The following COG5 variants were observed in gnomAD, a reference collection of about 807,000 sequenced individuals.
The protein encoded by COG5 is component of oligomeric golgi complex 5.
Under a neutral mutation model 110.4 loss-of-function variants are expected in COG5, and 86 were observed. The observed-to-expected ratio is 0.78, with a 90% CI of 0.65 to 0.93. The LOEUF is 0.93. Ranked by LOEUF, COG5 falls within the 40% of genes least tolerant of loss-of-function variation. The pLI, the probability that COG5 is intolerant of heterozygous loss-of-function variation, is 0.00. For synonymous variants in COG5, 360 were observed against 334.6 expected (o/e 1.08, Z -0.83); for missense variants, 1,077 against 987.0 (o/e 1.09, Z -1.22).
At chr7:107,433,064 A>G (rs1794135400) in intron 6 of COG5, among the ~76,000 whole-genome samples, 1 of 152,230 alleles carries the variant, frequency 6.6e-6, no homozygotes, top group South Asian at 2.1e-4. Flanking sequence ...GGAAATTAAG[A>G]AAATAATCCC....
chr7:107,204,645 A>G (rs1466394916), intron 21 of COG5, among the ~76,000 whole-genome samples: 1 of 152,162 alleles, frequency 6.6e-6, no homozygotes, highest in Non-Finnish European at 1.5e-5. Flanking sequence ...ATACTAATCT[A>G]ATTGGGTTTG....
At chr7:107,387,376 G>C (rs894579757) in intron 7 of COG5, among the ~76,000 whole-genome samples, 12 of 152,282 alleles carry the variant, frequency 7.9e-5, no homozygotes, top group African/African-American at 2.9e-4. Context: ...AAGCAGCAGC[G>C]CCTAAGCAAG....
rs1562913161 is a variant in COG5, at chr7:107,211,196, A to C, written c.2198T>G (p.Val733Gly). The C allele has an allele frequency of 3.1e-6, 5 of 1,614,106 alleles. No homozygotes were observed. The highest frequency in any genetic ancestry group is 1.7e-4 in the Middle Eastern group (1 of 6,060). ...ATCCCCCAATGCAGGACTACTGGCT[A>C]CATGTTCACTTGCCTGGAAGAGCAG... ...RPLLFQASEH[V>G]ASSPALGDVI... Residue 733 changes from valine to glycine, a missense_variant, in exon 20 of 22, where the codon GTA (valine) becomes GGA (glycine). Transcript: ENST00000297135.
intron 14 of COG5, among the ~76,000 whole-genome samples, chr7:107,273,032 AC>A (rs1305529986): frequency 6.6e-6 from 1 of 152,168 alleles, no homozygotes; most frequent in Non-Finnish European, 1.5e-5. Flanking sequence ...TGTGCCTAAT[AC>A]GTGTGTTCGG....
chr7:107,261,967 T>G (rs1037087416), intron 14 of COG5, among the ~76,000 whole-genome samples: 10 of 152,032 alleles, frequency 6.6e-5, no homozygotes, highest in African/African-American at 2.4e-4. Flanking sequence ...CTTGGCTCAC[T>G]GCAACCTTCA....
intron 12 of COG5, among the ~76,000 whole-genome samples, chr7:107,288,913 T>TAG (rs1805898952): frequency 3.4e-4 from 2 of 5,816 alleles, no homozygotes; most frequent in Admixed American, 1.2e-3. Context: ...CAGAGATATA[T>TAG]ATATATATAT....
chr7:107,412,707 C>T (rs1792397582), intron 6 of COG5, 75 bp from the exon 7 acceptor site: 5 of 843,972 alleles, frequency 5.9e-6, no homozygotes, highest in South Asian at 3.5e-5. Flanking sequence ...ATATGTATAA[C>T]TTCTCAAAAA....
intron 6 of COG5, among the ~76,000 whole-genome samples, chr7:107,425,985 C>T (rs924338688): frequency 2.6e-5 from 4 of 152,080 alleles, no homozygotes; most frequent in African/African-American, 4.8e-5. Context: ...AGGGCAGAGA[C>T]GGGGGTAAAG....
In COG5 at chr7:107,527,335, C is replaced by G; in HGVS notation, c.440G>C (p.Arg147Thr). 1.2e-6 allele frequency: 2 copies of G among 1,613,454 alleles called. No homozygotes were observed. The highest frequency in any genetic ancestry group is 1.7e-6 in the Non-Finnish European group (2 of 1,179,828). ...ACTGAGATTCAAGATACGAATAATC[C>G]TCCGAAGCAAATCACAGGCAACCTG... ...RLQVACDLLRRIIRILNLSKR... is the reference protein window; with the variant it reads ...RLQVACDLLRTIIRILNLSKR... The change falls in exon 6 of 22, where the codon AGG becomes ACG. Residue 147 changes from arginine to threonine, a missense_variant. Physicochemically the swap from Arg to Thr is moderately conservative, Grantham distance 71. Transcript: ENST00000297135.
intron 6 of COG5, among the ~76,000 whole-genome samples, chr7:107,522,383 G>A (rs571193938): frequency 2.0e-5 from 3 of 152,224 alleles, no homozygotes; most frequent in South Asian, 2.1e-4. Flanking sequence ...CAAGAGAGTC[G>A]CTTGAACCCA....
intron 7 of COG5, among the ~76,000 whole-genome samples, chr7:107,386,717 G>A (rs759732770): frequency 1.1e-4 from 16 of 152,124 alleles, no homozygotes; most frequent in Non-Finnish European, 1.6e-4. Flanking sequence ...GTAACCCAAA[G>A]CCCAAGGTTC....
intron 19 of COG5, among the ~76,000 whole-genome samples, chr7:107,230,074 C>T (rs1177454832): frequency 6.6e-6 from 1 of 152,020 alleles, no homozygotes; most frequent in Non-Finnish European, 1.5e-5. Context: ...TGGTCTTGAT[C>T]TCCTGACCTC....
intron 7 of COG5, among the ~76,000 whole-genome samples, chr7:107,391,424 C>T (rs757965294): frequency 6.6e-6 from 1 of 152,152 alleles, no homozygotes; most frequent in African/African-American, 2.4e-5. Flanking sequence ...TCAGCCTGTT[C>T]TATTGGTTGC....
intron 19 of COG5, 113 bp from the exon 20 acceptor site, chr7:107,211,338 G>T: frequency 1.6e-6 from 2 of 1,226,022 alleles, no homozygotes; most frequent in Non-Finnish European, 2.4e-6. Context: ...GCTACTGAAG[G>T]AGCCCTCCAC....
At chr7:107,224,079 C>A (rs574532420) in intron 19 of COG5, among the ~76,000 whole-genome samples, 34 of 152,306 alleles carry the variant, frequency 2.2e-4, no homozygotes, top group African/African-American at 7.9e-4. Context: ...CTGGCTGTAA[C>A]ACTGAAATCT....
chr7:107,494,406 A>G (rs796249741), intron 6 of COG5, among the ~76,000 whole-genome samples: 14 of 152,336 alleles, frequency 9.2e-5, no homozygotes, highest in African/African-American at 3.1e-4. Flanking sequence ...CAGTGGTCCC[A>G]TAAGATTATA....
intron 10 of COG5, among the ~76,000 whole-genome samples, chr7:107,340,754 C>T (rs889146136): frequency 3.3e-5 from 5 of 152,108 alleles, no homozygotes; most frequent in African/African-American, 1.2e-4. Flanking sequence ...TGTGATTAAA[C>T]ATATAAACAG....
intron 14 of COG5, among the ~76,000 whole-genome samples, chr7:107,271,715 T>C (rs541200745): frequency 6.6e-6 from 1 of 152,246 alleles, no homozygotes; most frequent in Non-Finnish European, 1.5e-5. Context: ...TGTTCATTGG[T>C]TTTTTGTGTT....
chr7:107,460,960 T>C (rs1460992528), intron 6 of COG5, among the ~76,000 whole-genome samples: 2 of 152,094 alleles, frequency 1.3e-5, no homozygotes, highest in African/African-American at 4.8e-5. Context: ...AATTTAAAAC[T>C]TTGAACAACA....
Sources: allele counts gnomAD v4.1 joint callset (sites outside exome capture counted in the v4.1 genomes callset), GRCh38; gene constraint gnomAD v4.1.1; transcripts MANE v1.5; gene names NCBI Gene and HGNC (gene_info 2026-07-23, HGNC 2026-07-21).